The following LY6H variants were observed in gnomAD, a reference collection of about 807,000 sequenced individuals.
LY6H encodes the protein lymphocyte antigen 6 family member H.
LY6H carries 8 observed loss-of-function variants against 14.6 expected under a neutral mutation model. The observed-to-expected ratio is 0.55, with a 90% CI of 0.32 to 0.99. The LOEUF (loss-of-function observed/expected upper bound fraction) is 0.99. Among genes scored for constraint, LY6H ranks in the 50% least tolerant of loss-of-function variants. LY6H has a pLI of 0.04. For synonymous variants in LY6H, 115 were observed against 97.2 expected, an observed-to-expected ratio of 1.18 and a Z score of -1.08; for missense variants, 196 against 219.6, an observed-to-expected ratio of 0.89 and a Z score of 0.68.
chr8:143,158,575 A>G (rs948399527), intron 3 of LY6H, 90 bp from the exon 4 acceptor site: 59 of 1,307,344 alleles, frequency 4.5e-5, no homozygotes, highest in Non-Finnish European at 6.2e-5. Flanking sequence ...CCTCCGGGTC[A>G]GCTCGGGGCC....
intron 3 of LY6H, 101 bp downstream of exon 3, chr8:143,158,702 C>T (rs1346116656): frequency 6.8e-7 from 1 of 1,463,942 alleles, no homozygotes; most frequent in African/African-American, 1.4e-5. Context: ...GCCCCACGCT[C>T]TCACTCTCGT....
Position 143,159,568 on chromosome 8 carries a change from G to T in LY6H, c.130+14C>A. The T allele has an allele frequency of 6.7e-7, 1 of 1,497,430 alleles. No homozygotes were observed. The highest frequency in any genetic ancestry group is 2.8e-5 in the East Asian group (1 of 35,844). The allele number at this position is 1,497,430 out of a possible 1,614,324, so 92.8% of individuals were successfully genotyped here. On this transcript the variant is annotated intron_variant, in intron 2 of 3. Coordinates refer to ENST00000342752, the MANE Select transcript of LY6H (RefSeq NM_001135655.2). ...TCCCAGGCACCTGACCCAGCCCGCG[G>T]GCCCCCTACTCACCGGGCGCCGAGC... is the stretch of plus-strand genomic sequence containing the variant.
In LY6H at chr8:143,158,929, A is replaced by G. The variant is rs1372325504; in HGVS notation, c.131-7T>C. 6.2e-7 allele frequency: 1 copy of G among 1,613,510 alleles called. No homozygotes were observed. Among genetic ancestry groups the G allele is most frequent in the Non-Finnish European group, 8.5e-7 (1 of 1,179,886 alleles). The stretch of plus-strand genomic sequence containing the variant: ...TGGCACCACAGGCCATGAGCTGGGC[A>G]GGGCATGGGGAGGAGGGTGACCAGA... On this transcript the variant is annotated splice_polypyrimidine_tract_variant and splice_region_variant and intron_variant, in intron 2 of 3. Coordinates refer to ENST00000342752, the MANE Select transcript of LY6H (RefSeq NM_001135655.2).
At chr8:143,158,511 A>C in intron 3 of LY6H, 26 bp from the exon 4 acceptor site, 1 of 1,578,252 alleles carries the variant, frequency 6.3e-7, no homozygotes, top group Non-Finnish European at 8.7e-7. Flanking sequence ...GTGGCCTGGG[A>C]CGGGGGCTCC....
At chr8:143,159,803 T>A in intron 1 of LY6H, 94 bp from the exon 2 acceptor site, 1 of 1,267,884 alleles carries the variant, frequency 7.9e-7, no homozygotes, top group Non-Finnish European at 1.0e-6. Context: ...AAGGCCGGGG[T>A]CCGCCCGGAG....
At chr8:143,159,799 G>A (rs1235777115) in intron 1 of LY6H, 90 bp from the exon 2 acceptor site, 3 of 1,282,152 alleles carry the variant, frequency 2.3e-6, no homozygotes, top group South Asian at 2.2e-5. Context: ...ATCCAAGGCC[G>A]GGGTCCGCCC....
chr8:143,159,139 C>T (rs1354335706), intron 2 of LY6H: 5 of 642,968 alleles, frequency 7.8e-6, no homozygotes, highest in Non-Finnish European at 1.4e-5. Flanking sequence ...TGGCCCCTCC[C>T]TGGCCCCCAT....
intron 3 of LY6H, 144 bp downstream of exon 3, chr8:143,158,658 CA>C (rs929829532): frequency 4.5e-5 from 56 of 1,243,278 alleles, no homozygotes; most frequent in African/African-American, 9.0e-5. Context: ...ACCAAGGAGC[CA>C]GGGGGGGACA....
rs968985142 is a variant in LY6H at position 143,158,018 on chromosome 8, T to C, written c.*232A>G. On this transcript the variant is annotated 3_prime_UTR_variant, in exon 4 of 4. Coordinates refer to ENST00000342752, the MANE Select transcript of LY6H (RefSeq NM_001135655.2). The stretch of plus-strand genomic sequence containing the variant: ...ACCTGGGGGTCCCCCCCCACCCTCA[T>C]CCCCAGGCCTCCTGCCCAGATGGCC... 4.1e-6 allele frequency: 2 copies of C among 487,436 alleles called. No homozygotes were observed. Among genetic ancestry groups the C allele is most frequent in the African/African-American group, 4.0e-5 (2 of 50,610 alleles). 30.2% of individuals were successfully genotyped at this position (487,436 alleles called of 1,614,324 possible).
At chr8:143,158,713 C>T in intron 3 of LY6H, 90 bp downstream of exon 3, 2 of 1,497,842 alleles carry the variant, frequency 1.3e-6, no homozygotes, top group Non-Finnish European at 1.8e-6. Context: ...TCACTCTCGT[C>T]CCAGGCCAGA....
chr8:143,159,355 C>A, intron 2 of LY6H: 1 of 565,394 alleles, frequency 1.8e-6, no homozygotes, highest in East Asian at 3.2e-5. Context: ...CGTGCGGGGC[C>A]AGCCGCCCAC....
chr8:143,160,090 GC>G (rs1451703735), intron 1 of LY6H, 107 bp downstream of exon 1: 1 of 987,946 alleles, frequency 1.0e-6, no homozygotes, highest in Non-Finnish European at 1.3e-6. Context: ...GGGCTGGGGG[GC>G]CGGGAACCCC....
rs750480219 is a variant in LY6H, at chr8:143,160,228, G to A, written c.-29C>T. ...GGGGGTGTCCGCACTCCGGGCTCGG[G>A]CGGCGTGCGCGGCGCGGGGAGCTGT... On this transcript the variant is annotated 5_prime_UTR_variant, in exon 1 of 4. Coordinates refer to ENST00000342752, the MANE Select transcript of LY6H (RefSeq NM_001135655.2). 4 of 1,281,112 alleles carry A rather than the reference G, an allele frequency of 3.1e-6. No homozygotes were observed. Among genetic ancestry groups the A allele is most frequent in the Non-Finnish European group, 3.9e-6 (4 of 1,013,414 alleles). The allele number at this position is 1,281,112 out of a possible 1,614,324, so 79.4% of individuals were successfully genotyped here.
chr8:143,160,116 C>T (rs1815563456), intron 1 of LY6H, 82 bp downstream of exon 1: 1 of 1,175,578 alleles, frequency 8.5e-7, no homozygotes, highest in Non-Finnish European at 1.1e-6. Context: ...CGAGTCCCCT[C>T]CCTTGGCCTT....
intron 1 of LY6H, 63 bp downstream of exon 1, chr8:143,160,135 G>T: frequency 8.1e-7 from 1 of 1,239,318 alleles, no homozygotes; most frequent in African/African-American, 1.5e-5. Flanking sequence ...TTCCGCGCGC[G>T]CCTCGGCGCT....
At chr8:143,159,888 C>A (rs1815555911) in intron 1 of LY6H, 179 bp from the exon 2 acceptor site, 1 of 1,154,924 alleles carries the variant, frequency 8.7e-7, no homozygotes, top group Non-Finnish European at 1.1e-6. Flanking sequence ...GACGTCTGGC[C>A]TCTGGGGCGA....
intron 1 of LY6H, 127 bp from the exon 2 acceptor site, chr8:143,159,836 C>T (rs1424393099): frequency 1.7e-6 from 2 of 1,178,510 alleles, no homozygotes; most frequent in African/African-American, 1.6e-5. Flanking sequence ...CACCCCCAGC[C>T]CCTTCTCCAG....
Position 143,157,961 on chromosome 8 carries a change from C to T in LY6H, c.*289G>A, listed in dbSNP as rs1815487099. 1 of 450,496 alleles carries T rather than the reference C, an allele frequency of 2.2e-6. No individual in the cohort carries two copies. The highest frequency in any genetic ancestry group is 3.9e-6 in the Non-Finnish European group (1 of 257,180). 27.9% of individuals were successfully genotyped at this position (450,496 alleles called of 1,614,324 possible). On this transcript the variant is annotated 3_prime_UTR_variant, in exon 4 of 4. Transcript: ENST00000342752. Reference sequence around the variant, plus strand: ...TATTTCTCCGCAGAAGACGCCCTTCCAGCTGGGCTGTTGCTTCACTTCCCC... The same window carrying T: ...TATTTCTCCGCAGAAGACGCCCTTCTAGCTGGGCTGTTGCTTCACTTCCCC...
Position 143,159,706 on chromosome 8 carries a change from A to C in LY6H, c.6T>G (p.Leu2=). Residue 2 remains leucine, a synonymous_variant, in exon 2 of 4, where the codon CTT becomes CTG. Transcript: ENST00000342752. ...TTGGGGCGCGGGTCCTCTGGGGCGC[A>C]AGCCTGGAGGGGAGAAGCATCGGTC... is the stretch of plus-strand genomic sequence containing the variant. M[L]APQRTRAPSP... is the part of the protein sequence containing the mutation. 1 of 1,372,866 alleles carries C rather than the reference A, an allele frequency of 7.3e-7. No individual in the cohort carries two copies. Among genetic ancestry groups the C allele is most frequent in the East Asian group, 3.1e-5 (1 of 32,374 alleles). The allele number at this position is 1,372,866 out of a possible 1,614,324, so 85.0% of individuals were successfully genotyped here. A position where few individuals can be genotyped will look rare whatever the true frequency, so the allele number is the denominator to read the frequency against.
Sources: gnomAD v4.1 joint callset for allele counts on GRCh38, gnomAD v4.1.1 for gene constraint, MANE v1.5 for transcripts, NCBI Gene and HGNC (gene_info 2026-07-23, HGNC 2026-07-21) for gene names.